Variants in CEACAM18 observed in about 807,000 individuals in gnomAD.
CEACAM18 encodes cell adhesion molecule CEACAM18.
Under a neutral mutation model 34.3 loss-of-function variants are expected in CEACAM18, and 33 were observed. That is an observed-to-expected ratio of 0.96 (90% CI 0.73 to 1.29). The LOEUF (loss-of-function observed/expected upper bound fraction) is 1.29, where lower values mean the gene tolerates loss of function less well. Ranked by LOEUF, CEACAM18 falls within the 50% of genes most tolerant of loss-of-function variation. CEACAM18 has a pLI of 0.00. For missense variants in CEACAM18, 474 were observed against 485.0 expected (o/e 0.98, Z 0.21); for synonymous variants, 169 against 180.9 (o/e 0.93, Z 0.53).
chr19:51,480,828 G>T (rs1410999790), intron 2 of CEACAM18, 148 bp downstream of exon 2: 2 of 733,270 alleles, frequency 2.7e-6, no homozygotes, highest in South Asian at 1.9e-5. Flanking sequence ...GCTCCTGGGG[G>T]ATCTGAGGGC....
rs147820884 is a variant in CEACAM18 at position 51,490,148 on chromosome 19, A to T, written c.1090-439A>T. Among the ~76,000 whole-genome samples the T allele has an allele frequency of 2.1e-3, 326 of 152,158 alleles. 2 individuals carry two copies. Among genetic ancestry groups the T allele is most frequent in the African/African-American group, 7.4e-3 (307 of 41,512 alleles). On this transcript the variant is annotated intron_variant, in intron 5 of 5. Coordinates refer to ENST00000396477, the Ensembl canonical transcript of CEACAM18. ...AGTAACATCACCTCTCTGGACCCTC[A>T]TTTCTTCATCTGCAAATGGGTTAAA... is the stretch of plus-strand genomic sequence containing the variant.
chr19:51,487,892 A>G (rs1306040536), intron 5 of CEACAM18, among the ~76,000 whole-genome samples: 1 of 152,270 alleles, frequency 6.6e-6, no homozygotes, highest in African/African-American at 2.4e-5. Flanking sequence ...AAAATTAAAT[A>G]AGTAAAAAAT....
intron 3 of CEACAM18, among the ~76,000 whole-genome samples, chr19:51,482,693 G>A (rs1255604238): frequency 6.6e-6 from 1 of 152,184 alleles, no homozygotes. Context: ...CAGTCACATG[G>A]GTTGTTCTGG....
At chr19:51,484,937 C>G in intron 4 of CEACAM18, 50 bp from the exon 5 acceptor site, 2 of 1,534,278 alleles carry the variant, frequency 1.3e-6, no homozygotes, top group Middle Eastern at 1.7e-4. Context: ...TGAGTGAATG[C>G]ATGAATGGGT....
intron 5 of CEACAM18, 40 bp downstream of exon 5, chr19:51,485,162 G>A: frequency 6.8e-7 from 1 of 1,466,982 alleles, no homozygotes; most frequent in Non-Finnish European, 9.0e-7. Flanking sequence ...GATGTTGGCT[G>A]GGGGCTGGGA....
exon 4 of CEACAM18, chr19:51,483,219 C>A: frequency 3.1e-6 from 5 of 1,614,022 alleles, no homozygotes; most frequent in Non-Finnish European, 4.2e-6. Flanking sequence ...AGCAGATGGG[C>A]CGTTACCGAT....
exon 2 of CEACAM18, chr19:51,480,535 G>T (rs761441132): frequency 6.2e-7 from 1 of 1,614,002 alleles, no homozygotes; most frequent in Non-Finnish European, 8.5e-7. Flanking sequence ...AGCAGCCTGG[G>T]CCCATGTACA....
At chr19:51,488,344 T>C (rs576536602) in intron 5 of CEACAM18, among the ~76,000 whole-genome samples, 3 of 152,210 alleles carry the variant, frequency 2.0e-5, no homozygotes, top group South Asian at 2.1e-4. Flanking sequence ...AGGTATTTAC[T>C]AGTAAGAGCT....
intron 5 of CEACAM18, among the ~76,000 whole-genome samples, chr19:51,486,551 G>A (rs1990003925): frequency 6.6e-6 from 1 of 150,858 alleles, no homozygotes; most frequent in Non-Finnish European, 1.5e-5. Flanking sequence ...CCCTGGTCTA[G>A]GAAGGAGAGC....
chr19:51,483,292 C>T (rs1208407984), exon 4 of CEACAM18: 3 of 1,613,832 alleles, frequency 1.9e-6, no homozygotes, highest in South Asian at 1.1e-5. Flanking sequence ...CCAGGCCCCC[C>T]ATGAGTGCAG....
chr19:51,479,346 TCA>T (rs1989868696), intron 1 of CEACAM18, among the ~76,000 whole-genome samples: 1 of 152,038 alleles, frequency 6.6e-6, no homozygotes, highest in African/African-American at 2.4e-5. Context: ...CCGCCTCCAT[TCA>T]CACCCACTCC....
intron 5 of CEACAM18, among the ~76,000 whole-genome samples, chr19:51,486,435 A>G (rs1270335935): frequency 6.6e-6 from 1 of 152,098 alleles, no homozygotes; most frequent in Non-Finnish European, 1.5e-5. Context: ...AGGTTGCATC[A>G]TTGTGCCCGG....
intron 5 of CEACAM18, among the ~76,000 whole-genome samples, chr19:51,490,340 CCT>C (rs1333600431): frequency 2.6e-5 from 4 of 152,106 alleles, no homozygotes; most frequent in Non-Finnish European, 2.9e-5. Context: ...CTTCACCCGG[CCT>C]CTTTCTCCCC....
At chr19:51,482,589 C>A (rs1278278794) in intron 3 of CEACAM18, among the ~76,000 whole-genome samples, 1 of 152,308 alleles carries the variant, frequency 6.6e-6, no homozygotes, top group Admixed American at 6.5e-5. Flanking sequence ...CTGAGACTGG[C>A]TCAATCCTTC....
At chr19:51,488,805 C>G (rs541569328) in intron 5 of CEACAM18, among the ~76,000 whole-genome samples, 1 of 152,158 alleles carries the variant, frequency 6.6e-6, no homozygotes, top group Admixed American at 6.5e-5. Flanking sequence ...AAGAGCAGGG[C>G]CATTTCTGTT....
chr19:51,483,215 T>C (rs531687235), exon 4 of CEACAM18: 44 of 1,614,036 alleles, frequency 2.7e-5, no homozygotes, highest in Non-Finnish European at 3.6e-5. Context: ...TGGGAGCAGA[T>C]GGGCCGTTAC....
chr19:51,481,528 A>G, exon 3 of CEACAM18: 1 of 1,614,004 alleles, frequency 6.2e-7, no homozygotes, highest in Non-Finnish European at 8.5e-7. Flanking sequence ...TCTAGTAGTG[A>G]CCGGATGACA....
exon 3 of CEACAM18, chr19:51,481,444 A>C: frequency 1.2e-6 from 2 of 1,614,006 alleles, no homozygotes; most frequent in Non-Finnish European, 1.7e-6. Flanking sequence ...CTGGTGGAGA[A>C]CATGGATTCT....
At chr19:51,481,653 C>G (rs757459120) in exon 3 of CEACAM18, 1 of 1,611,786 alleles carries the variant, frequency 6.2e-7, no homozygotes, top group Non-Finnish European at 8.5e-7. Flanking sequence ...ACGCATCTCT[C>G]TGACTGTGGC....
Sources: gnomAD v4.1 joint callset for allele counts (sites outside exome capture counted in the v4.1 genomes callset) on GRCh38, gnomAD v4.1.1 for gene constraint, MANE v1.5 for transcripts, NCBI Gene and HGNC (gene_info 2026-07-23, HGNC 2026-07-21) for gene names.